Variants in TMEM108 observed in about 807,000 individuals in gnomAD.
The protein encoded by TMEM108 is transmembrane protein 108.
TMEM108 carries 12 observed loss-of-function variants against 35.1 expected under a neutral mutation model. The observed-to-expected ratio is 0.34, with a 90% CI of 0.22 to 0.55. The LOEUF is 0.55. Among genes scored for constraint, TMEM108 ranks in the 20% least tolerant of loss-of-function variants. The pLI is 0.89. For synonymous variants in TMEM108, 287 were observed against 308.6 expected (o/e 0.93, Z 0.73); for missense variants, 680 against 753.3 (o/e 0.90, Z 1.14).
chr3:133,092,486 A>AT (rs199569964), intron 2 of TMEM108, among the ~76,000 whole-genome samples: 1 of 152,038 alleles, frequency 6.6e-6, no homozygotes, highest in Non-Finnish European at 1.5e-5. Flanking sequence ...GACTTTTAGA[A>AT]TTTTTTTTAT....
intron 3 of TMEM108, among the ~76,000 whole-genome samples, chr3:133,331,900 G>A (rs2071397714): frequency 6.6e-6 from 1 of 152,200 alleles, no homozygotes; most frequent in South Asian, 2.1e-4. Flanking sequence ...ACAGGGTTTG[G>A]ATCGTGATCT....
chr3:133,305,302 G>T (rs926885508), intron 3 of TMEM108, among the ~76,000 whole-genome samples: 1 of 145,134 alleles, frequency 6.9e-6, no homozygotes, highest in Non-Finnish European at 1.5e-5. Flanking sequence ...CTCATAGGTG[G>T]GAATTGAACA....
At chr3:133,334,630 T>C (rs376638830) in intron 3 of TMEM108, among the ~76,000 whole-genome samples, 8 of 152,056 alleles carry the variant, frequency 5.3e-5, no homozygotes, top group Admixed American at 2.0e-4. Context: ...GGTCTGAAGA[T>C]ATAGTGAAGG....
At chr3:133,177,085 C>T (rs1322375582) in intron 2 of TMEM108, among the ~76,000 whole-genome samples, 1 of 152,028 alleles carries the variant, frequency 6.6e-6, no homozygotes, top group Non-Finnish European at 1.5e-5. Flanking sequence ...ATAAATTCCT[C>T]GATACATACA....
intron 3 of TMEM108, among the ~76,000 whole-genome samples, chr3:133,305,669 G>T (rs1256630951): frequency 6.6e-6 from 1 of 151,932 alleles, no homozygotes; most frequent in African/African-American, 2.4e-5. Flanking sequence ...CTGACAAATT[G>T]TTTTCCAAAG....
chr3:133,311,822 C>G (rs897697209), intron 3 of TMEM108, among the ~76,000 whole-genome samples: 2 of 152,132 alleles, frequency 1.3e-5, no homozygotes, highest in Admixed American at 6.5e-5. Context: ...GCTTTTCTGC[C>G]CTGGTTTCTC....
chr3:133,255,284 C>T (rs1166562850), intron 3 of TMEM108, among the ~76,000 whole-genome samples: 2 of 151,868 alleles, frequency 1.3e-5, no homozygotes, highest in African/African-American at 4.8e-5. Context: ...AATACTGAAA[C>T]AAAAGATGGA....
intron 2 of TMEM108, among the ~76,000 whole-genome samples, chr3:133,106,081 A>G (rs769875884): frequency 6.6e-6 from 1 of 151,326 alleles, no homozygotes; most frequent in Non-Finnish European, 1.5e-5. Context: ...ATACATACTT[A>G]TAATAAGTGC....
At chr3:133,388,598 T>G (rs2073188912) in intron 4 of TMEM108, 1 of 985,424 alleles carries the variant, frequency 1.0e-6, no homozygotes, top group East Asian at 1.1e-4. Flanking sequence ...TTTTAAAGAT[T>G]TTTTAAAAAG....
At chr3:133,263,852 T>C (rs914871609) in intron 3 of TMEM108, among the ~76,000 whole-genome samples, 1 of 152,200 alleles carries the variant, frequency 6.6e-6, no homozygotes, top group Non-Finnish European at 1.5e-5. Flanking sequence ...TAATTGTTTT[T>C]TTCCTTTAAC....
chr3:133,175,330 A>G (rs1418751157), intron 2 of TMEM108, among the ~76,000 whole-genome samples: 1 of 152,206 alleles, frequency 6.6e-6, no homozygotes, highest in Non-Finnish European at 1.5e-5. Context: ...AGAGAATACC[A>G]CAAAGATACT....
At chr3:133,298,581 G>T (rs1947176797) in intron 3 of TMEM108, among the ~76,000 whole-genome samples, 1 of 152,088 alleles carries the variant, frequency 6.6e-6, no homozygotes, top group African/African-American at 2.4e-5. Flanking sequence ...TCAAATGCTT[G>T]CATAGTGCTT....
intron 3 of TMEM108, chr3:133,247,362 C>A (rs1412051440): frequency 2.0e-5 from 3 of 152,096 alleles, no homozygotes; most frequent in African/African-American, 7.2e-5. Context: ...TTTCAGATGT[C>A]TTTTTAAGCT....
At chr3:133,170,354 TAAA>T (rs1288494380) in intron 2 of TMEM108, among the ~76,000 whole-genome samples, 1 of 152,174 alleles carries the variant, frequency 6.6e-6, no homozygotes. Flanking sequence ...TCTGTTCAGT[TAAA>T]AAAACTTGAA....
chr3:133,195,551 C>A (rs528411287), intron 2 of TMEM108, among the ~76,000 whole-genome samples: 12 of 152,174 alleles, frequency 7.9e-5, no homozygotes, highest in African/African-American at 2.9e-4. Context: ...ACCTACAGTG[C>A]CTTTGTGTTG....
chr3:133,359,953 A>G (rs2072292776), intron 3 of TMEM108, among the ~76,000 whole-genome samples: 1 of 148,692 alleles, frequency 6.7e-6, no homozygotes, highest in African/African-American at 2.5e-5. Flanking sequence ...TTATCATCAG[A>G]TGAATGAATA....
At chr3:133,342,260 T>C (rs2071679137) in intron 3 of TMEM108, among the ~76,000 whole-genome samples, 1 of 151,366 alleles carries the variant, frequency 6.6e-6, no homozygotes, top group Non-Finnish European at 1.5e-5. Flanking sequence ...GACATACACA[T>C]GTCAAACAGG....
chr3:133,112,244 A>T (rs1361825742), intron 2 of TMEM108, among the ~76,000 whole-genome samples: 1 of 152,162 alleles, frequency 6.6e-6, no homozygotes, highest in Non-Finnish European at 1.5e-5. Context: ...CTCTGGGAAG[A>T]TATAAAATTG....
intron 3 of TMEM108, among the ~76,000 whole-genome samples, chr3:133,358,527 G>A (rs920825237): frequency 1.3e-5 from 2 of 152,098 alleles, no homozygotes; most frequent in African/African-American, 4.8e-5. Context: ...CCTCCATTAT[G>A]TATTTATTCA....
Sources: gnomAD v4.1 joint callset for allele counts (sites outside exome capture counted in the v4.1 genomes callset) on GRCh38, gnomAD v4.1.1 for gene constraint, MANE v1.5 for transcripts, NCBI Gene and HGNC (gene_info 2026-07-23, HGNC 2026-07-21) for gene names.